SWT1: variants seen among roughly 807,000 people sequenced by gnomAD.
SWT1 encodes the protein transcriptional protein SWT1.
A neutral mutation model predicts 107.3 loss-of-function variants in SWT1; 33 were observed. The ratio of observed to expected loss-of-function variants is 0.31; its 90% CI spans 0.23 to 0.41. SWT1 has a LOEUF of 0.41. Among genes scored for constraint, SWT1 ranks in the 10% least tolerant of loss-of-function variants. The probability of loss-of-function intolerance (pLI) is 1.00; values close to 1 mark genes in which losing one functional copy is unlikely to be tolerated. For missense variants in SWT1, 898 were observed against 1,028.9 expected, an observed-to-expected ratio of 0.87 and a Z score of 1.74; for synonymous variants, 345 against 348.3, an observed-to-expected ratio of 0.99 and a Z score of 0.11.
Position 185,168,321 on chromosome 1 carries a change from C to CT in SWT1, c.166-12dup, listed in dbSNP as rs1654758186. The CT allele has an allele frequency of 4.3e-6, 3 of 696,796 alleles. No homozygotes were observed. Among genetic ancestry groups the CT allele is most frequent in the Admixed American group, 1.3e-4 (2 of 14,948 alleles). 43.2% of individuals were successfully genotyped at this position (696,796 alleles called of 1,614,324 possible). On this transcript the variant is annotated intron_variant, in intron 3 of 18. Transcript: ENST00000367500. ...TGTACCAGTGCACAATTTATGTGTC[C>CT]TTTTTTTATTTATTTCAGAAATCAG...
intron 9 of SWT1, among the ~76,000 whole-genome samples, chr1:185,189,828 T>C (rs1256110343): frequency 6.7e-6 from 1 of 150,066 alleles, no homozygotes; most frequent in Non-Finnish European, 1.5e-5. Flanking sequence ...ATATTTCTTA[T>C]ATATGTATAT....
At chr1:185,289,776 C>T (rs1018762254) in intron 18 of SWT1, among the ~76,000 whole-genome samples, 1 of 152,048 alleles carries the variant, frequency 6.6e-6, no homozygotes, top group Non-Finnish European at 1.5e-5. Flanking sequence ...CATGTTCTCA[C>T]TGATATGTGG....
intron 17 of SWT1, among the ~76,000 whole-genome samples, chr1:185,274,519 A>G (rs1664110427): frequency 6.6e-6 from 1 of 151,990 alleles, no homozygotes; most frequent in African/African-American, 2.4e-5. Context: ...CAGTTACTAC[A>G]TTGGAGATAT....
intron 4 of SWT1, among the ~76,000 whole-genome samples, chr1:185,170,021 A>G (rs2102325953): frequency 6.6e-6 from 1 of 152,240 alleles, no homozygotes; most frequent in South Asian, 2.1e-4. Flanking sequence ...AGAAAGAGAA[A>G]ATGCTAGAGC....
At chr1:185,181,070 C>T (rs1377953778) in intron 6 of SWT1, among the ~76,000 whole-genome samples, 1 of 152,160 alleles carries the variant, frequency 6.6e-6, no homozygotes, top group Non-Finnish European at 1.5e-5. Context: ...GAGTTCGAGA[C>T]CAGCCTGGCC....
intron 2 of SWT1, among the ~76,000 whole-genome samples, chr1:185,164,542 T>C (rs771867248): frequency 6.6e-6 from 1 of 152,174 alleles, no homozygotes; most frequent in African/African-American, 2.4e-5. Flanking sequence ...CTCAACTAGG[T>C]TTTTTGTATA....
intron 15 of SWT1, among the ~76,000 whole-genome samples, chr1:185,224,496 T>TG (rs943248836): frequency 3.3e-5 from 5 of 152,200 alleles, no homozygotes; most frequent in Admixed American, 1.3e-4. Context: ...TTTATGATTT[T>TG]TTTTTGTTTC....
At chr1:185,184,452 C>A in intron 8 of SWT1, 108 bp downstream of exon 8, 1 of 709,586 alleles carries the variant, frequency 1.4e-6, no homozygotes, top group Non-Finnish European at 2.4e-6. Context: ...TTTAGATATG[C>A]TATATATTAA....
Position 185,221,884 on chromosome 1 carries a change from C to T in SWT1, c.2157C>T (p.Asn719=). The change falls in exon 15 of 19, where the codon AAC becomes AAT. Residue 719 remains asparagine (N), a synonymous_variant. Coordinates refer to ENST00000367500, the MANE Select transcript of SWT1 (RefSeq NM_017673.7). ...KTKLKPNSSE[N]TVTKKQEGTS... ...AACTTAAGCCAAATTCTTCAGAAAA[C>T]ACAGTGACTAAAAAGCAGGAAGGTA... The T allele has an allele frequency of 6.2e-7, 1 of 1,604,012 alleles. No homozygotes were observed. Among genetic ancestry groups the T allele is most frequent in the South Asian group, 1.1e-5 (1 of 88,738 alleles).
chr1:185,256,756 C>T (rs1336680321), intron 16 of SWT1, among the ~76,000 whole-genome samples: 11 of 151,924 alleles, frequency 7.2e-5, no homozygotes, highest in South Asian at 4.2e-4. Flanking sequence ...GTAATTTGAT[C>T]GTCTGAAGCG....
intron 14 of SWT1, among the ~76,000 whole-genome samples, chr1:185,215,289 G>A (rs1287611989): frequency 6.6e-6 from 1 of 151,948 alleles, no homozygotes; most frequent in Non-Finnish European, 1.5e-5. Flanking sequence ...ATAGTATGTT[G>A]CAGATAGGAT....
chr1:185,228,816 G>A (rs942905321), intron 15 of SWT1, among the ~76,000 whole-genome samples: 1 of 152,110 alleles, frequency 6.6e-6, no homozygotes, highest in Admixed American at 6.6e-5. Context: ...CTTGAAGGAG[G>A]TGAGGATGGG....
chr1:185,231,200 T>A (rs996105644), intron 15 of SWT1, among the ~76,000 whole-genome samples: 4 of 152,238 alleles, frequency 2.6e-5, no homozygotes, highest in Non-Finnish European at 5.9e-5. Flanking sequence ...TAGGATTAAC[T>A]TCTAGTTTCA....
chr1:185,246,477 A>G (rs1279075120), intron 16 of SWT1, among the ~76,000 whole-genome samples: 1 of 151,852 alleles, frequency 6.6e-6, no homozygotes, highest in African/African-American at 2.4e-5. Flanking sequence ...AGGTCTTGCC[A>G]TGTTGATCAG....
chr1:185,221,910 C>T lies in SWT1; in HGVS notation c.2183C>T (p.Thr728Ile). The change falls in exon 15 of 19, where the codon ACT becomes ATT. Residue 728 changes from threonine to isoleucine, a missense_variant. By Grantham distance (89) the Thr-to-Ile change is moderately conservative (BLOSUM62 -1). Coordinates refer to ENST00000367500, the MANE Select transcript of SWT1 (RefSeq NM_017673.7). ...ENTVTKKQEG[T>I]SLKNSHNQEI... ...ACAGTGACTAAAAAGCAGGAAGGTACTTCATTGAAGAATTCTCATAATCAA... is the reference window on the plus strand; with the variant it reads ...ACAGTGACTAAAAAGCAGGAAGGTATTTCATTGAAGAATTCTCATAATCAA... 6.2e-7 allele frequency: 1 copy of T among 1,611,868 alleles called. No homozygotes were observed. The highest frequency in any genetic ancestry group is 8.5e-7 in the Non-Finnish European group (1 of 1,179,182).
intron 4 of SWT1, 115 bp downstream of exon 4, chr1:185,168,513 TC>T (rs1339274636): frequency 2.0e-5 from 9 of 439,158 alleles, no homozygotes; most frequent in Non-Finnish European, 3.4e-5. Flanking sequence ...TGCAAATATC[TC>T]TAGCTATATA....
chr1:185,213,111 T>C (rs911458885), intron 13 of SWT1, among the ~76,000 whole-genome samples: 3 of 152,208 alleles, frequency 2.0e-5, no homozygotes, highest in African/African-American at 2.4e-5. Context: ...ATTATTGTTA[T>C]TACCCTTTTC....
intron 10 of SWT1, among the ~76,000 whole-genome samples, chr1:185,197,464 A>G (rs1202570564): frequency 6.6e-6 from 1 of 152,190 alleles, no homozygotes; most frequent in Non-Finnish European, 1.5e-5. Flanking sequence ...TATCAGGATG[A>G]TGCTGGCCTC....
At chr1:185,252,007 A>G (rs1662072352) in intron 16 of SWT1, among the ~76,000 whole-genome samples, 1 of 148,854 alleles carries the variant, frequency 6.7e-6, no homozygotes, top group African/African-American at 2.5e-5. Flanking sequence ...ATGTGATCTC[A>G]TTGTTCAATT....
Sources: allele counts gnomAD v4.1 joint callset (sites outside exome capture counted in the v4.1 genomes callset), GRCh38; gene constraint gnomAD v4.1.1; transcripts MANE v1.5; gene names NCBI Gene and HGNC (gene_info 2026-07-23, HGNC 2026-07-21).